The following UNC13B variants were observed in gnomAD, a reference collection of about 807,000 sequenced individuals.
UNC13B encodes protein unc-13 homolog B.
In UNC13B, 144 loss-of-function variants were observed where a neutral mutation model predicts 211.0. The observed-to-expected ratio is 0.68, with a 90% confidence interval of 0.60 to 0.78. The LOEUF is 0.78. Among genes scored for constraint, UNC13B ranks in the 30% least tolerant of loss-of-function variants. The pLI, the probability that UNC13B is intolerant of heterozygous loss-of-function variation, is 0.00. For missense variants in UNC13B, 1,777 were observed against 2,002.0 expected, an observed-to-expected ratio of 0.89 and a Z score of 2.14; for synonymous variants, 709 against 725.8, an observed-to-expected ratio of 0.98 and a Z score of 0.37.
chr9:35,300,234 A>C lies in UNC13B; in HGVS notation c.830A>C (p.Asp277Ala), dbSNP rs1026141481. The C allele has an allele frequency of 2.5e-6, 1 of 398,824 alleles. No individual in the cohort carries two copies. Among genetic ancestry groups the C allele is most frequent in the African/African-American group, 2.1e-5 (1 of 48,632 alleles). The allele number at this position is 398,824 out of a possible 1,614,324, so 24.7% of individuals were successfully genotyped here. Residue 277 changes from aspartate to alanine, a missense_variant, in exon 9 of 40, where the codon GAC becomes GCC. By Grantham distance (126) the Asp-to-Ala change is moderately radical. Coordinates refer to ENST00000635942, the MANE Select transcript of UNC13B (RefSeq NM_001371189.2). ...AAATCCTTATACAATCATTTTGAAGACAGTGAAAGAAGGCAATATGGTGAG... is the reference window on the plus strand; with the variant it reads ...AAATCCTTATACAATCATTTTGAAGCCAGTGAAAGAAGGCAATATGGTGAG... ...KKKSLYNHFE[D>A]SERRQYGERS...
intron 7 of UNC13B, among the ~76,000 whole-genome samples, chr9:35,272,491 C>T: frequency 6.6e-6 from 1 of 152,086 alleles, no homozygotes; most frequent in East Asian, 1.9e-4. Context: ...CTCCTGACCT[C>T]AAGTGATCTA....
intron 1 of UNC13B, among the ~76,000 whole-genome samples, chr9:35,197,637 C>T (rs534064570): frequency 1.3e-5 from 2 of 152,336 alleles, no homozygotes; most frequent in East Asian, 3.9e-4. Context: ...TAATCCCTAA[C>T]GTTGGAGGAG....
At chr9:35,203,611 G>A (rs918737668) in intron 1 of UNC13B, among the ~76,000 whole-genome samples, 14 of 152,068 alleles carry the variant, frequency 9.2e-5, no homozygotes, top group Non-Finnish European at 1.5e-4. Context: ...ATTTCAACAG[G>A]ATCTGTGGAA....
rs146399777 is a variant in UNC13B at position 35,376,132 on chromosome 9, C to T, written c.9720C>T (p.Cys3240=). The T allele has an allele frequency of 1.4e-5, 23 of 1,614,254 alleles. No individual in the cohort carries two copies. In the African/African-American group the frequency reaches 2.7e-4, roughly 19 times the overall value. The change falls in exon 15 of 40, where the codon TGC becomes TGT. Residue 3240 remains cysteine (C), a synonymous_variant. Transcript: ENST00000635942. ...EVWTATTPTY[C]YECEGLLWGI... ...GGACGGCCACTACCCCAACCTACTG[C>T]TATGAGTGTGAAGGCCTGCTCTGGG...
intron 11 of UNC13B, among the ~76,000 whole-genome samples, chr9:35,338,700 A>G (rs1044144261): frequency 6.6e-6 from 1 of 152,192 alleles, no homozygotes; most frequent in Admixed American, 6.5e-5. Flanking sequence ...CTCTTGCATG[A>G]TATAGATATT....
chr9:35,184,811 G>A (rs1386427518), intron 1 of UNC13B, among the ~76,000 whole-genome samples: 5 of 87,612 alleles, frequency 5.7e-5, no homozygotes, highest in South Asian at 5.6e-4. Flanking sequence ...CGGGGGGGGG[G>A]GGGGAGAGAG....
At chr9:35,206,622 TC>T (rs571831877) in intron 1 of UNC13B, among the ~76,000 whole-genome samples, 8 of 152,120 alleles carry the variant, frequency 5.3e-5, no homozygotes, top group Non-Finnish European at 1.2e-4. Context: ...ACACCTGTAA[TC>T]CCAGCACTTT....
intron 11 of UNC13B, among the ~76,000 whole-genome samples, chr9:35,316,285 G>A (rs1024048857): frequency 4.0e-5 from 6 of 151,818 alleles, no homozygotes; most frequent in African/African-American, 1.5e-4. Context: ...ATTTATTTAT[G>A]TCAATATTGC....
At chr9:35,319,518 C>T (rs1345250689) in intron 11 of UNC13B, among the ~76,000 whole-genome samples, 1 of 151,588 alleles carries the variant, frequency 6.6e-6, no homozygotes, top group African/African-American at 2.4e-5. Flanking sequence ...ATCCTGTCAC[C>T]CATGTAGTGA....
Position 35,162,050 on chromosome 9 carries a change from C to T in UNC13B, c.-234C>T, listed in dbSNP as rs1480708247. On this transcript the variant is annotated 5_prime_UTR_variant, in exon 1 of 40. Coordinates refer to ENST00000635942, the MANE Select transcript of UNC13B (RefSeq NM_001371189.2). ...ACCTCCCAGCGATGGCGTCGCTGTG[C>T]CGCGCCCAGTCCCCAGCCTGCCGGC... 15 of 571,038 alleles carry T rather than the reference C, an allele frequency of 2.6e-5. No individual in the cohort carries two copies. The East Asian group carries it at 4.8e-4, about 18-fold the overall frequency. The allele number at this position is 571,038 out of a possible 1,614,324, so 35.4% of individuals were successfully genotyped here. A position where few individuals can be genotyped will look rare whatever the true frequency, so the allele number is the denominator to read the frequency against.
chr9:35,171,729 T>C (rs1821343823), intron 1 of UNC13B, among the ~76,000 whole-genome samples: 1 of 152,232 alleles, frequency 6.6e-6, no homozygotes, highest in Non-Finnish European at 1.5e-5. Context: ...TTGATTAACA[T>C]GTTTGTCAGA....
chr9:35,355,554 A>G (rs192411552), intron 11 of UNC13B, among the ~76,000 whole-genome samples: 5 of 152,334 alleles, frequency 3.3e-5, no homozygotes, highest in African/African-American at 1.2e-4. Context: ...TTGTCCCACC[A>G]TAAGTCTTTC....
intron 11 of UNC13B, among the ~76,000 whole-genome samples, chr9:35,350,184 G>A (rs1169319800): frequency 1.3e-5 from 2 of 152,138 alleles, no homozygotes; most frequent in Non-Finnish European, 2.9e-5. Flanking sequence ...CAGTAAAAAG[G>A]GAATGTATTC....
chr9:35,316,700 A>G (rs1830475928), intron 11 of UNC13B, among the ~76,000 whole-genome samples: 1 of 152,208 alleles, frequency 6.6e-6, no homozygotes, highest in Admixed American at 6.5e-5. Flanking sequence ...GACTGACATC[A>G]GAGAAGAGGA....
At chr9:35,173,675 C>G (rs1821454940) in intron 1 of UNC13B, among the ~76,000 whole-genome samples, 1 of 152,160 alleles carries the variant, frequency 6.6e-6, no homozygotes, top group African/African-American at 2.4e-5. Context: ...CCGCCCGCCT[C>G]AGCCTCCCAA....
intron 1 of UNC13B, among the ~76,000 whole-genome samples, chr9:35,193,087 T>A (rs1272458223): frequency 6.6e-6 from 1 of 152,184 alleles, no homozygotes; most frequent in Non-Finnish European, 1.5e-5. Context: ...GTCCTCTGCC[T>A]GTGATTTCCT....
chr9:35,257,579 T>TAAAA (rs1491383111), intron 6 of UNC13B, among the ~76,000 whole-genome samples: 2 of 16,070 alleles, frequency 1.2e-4, no homozygotes, highest in Non-Finnish European at 2.2e-4. Context: ...AGAATCTGTA[T>TAAAA]CAAAAAAAAA....
At chr9:35,173,493 G>A (rs1388329277) in intron 1 of UNC13B, among the ~76,000 whole-genome samples, 2 of 150,344 alleles carry the variant, frequency 1.3e-5, no homozygotes, top group African/African-American at 2.5e-5. Flanking sequence ...GTGCTATCTC[G>A]GCTCACTGAA....
At position 35,231,219 on chromosome 9, in the gene UNC13B, TGTAA is replaced by T; in HGVS notation, c.152+4_152+7del. On this transcript the variant is annotated splice_donor_variant and splice_donor_region_variant and intron_variant, in intron 3 of 39. Coordinates refer to ENST00000635942, the MANE Select transcript of UNC13B (RefSeq NM_001371189.2). LOFTEE classifies it high-confidence loss of function. ...CCTTCCTGGGAACAGGATTTCATGT[TGTAA>T]GTATTTTGCAGCAGCAGTGTGCCTA... 2 of 1,606,536 alleles carry T rather than the reference TGTAA, an allele frequency of 1.2e-6. No individual in the cohort carries two copies. Among genetic ancestry groups the T allele is most frequent in the Non-Finnish European group, 1.7e-6 (2 of 1,173,288 alleles).
Sources: gnomAD v4.1 joint callset for allele counts (sites outside exome capture counted in the v4.1 genomes callset) on GRCh38, gnomAD v4.1.1 for gene constraint, MANE v1.5 for transcripts, NCBI Gene and HGNC (gene_info 2026-07-23, HGNC 2026-07-21) for gene names.